Variants in RAD51B observed in about 807,000 individuals in gnomAD.
The protein encoded by RAD51B is DNA repair protein RAD51 homolog 2.
Under a neutral mutation model 42.2 loss-of-function variants are expected in RAD51B, and 38 were observed. The observed-to-expected ratio is 0.90, with a 90% CI of 0.70 to 1.18. The LOEUF is 1.18. Ranked by LOEUF, RAD51B falls within the 50% of genes most tolerant of loss-of-function variation. The pLI is 0.00. For synonymous variants in RAD51B, 154 were observed against 145.2 expected (o/e 1.06, Z -0.43); for missense variants, 373 against 400.7 (o/e 0.93, Z 0.59).
At chr14:67,973,487 ATTATATATTCCTATTCCT>A (rs768126604) in intron 7 of RAD51B, among the ~76,000 whole-genome samples, 114 of 152,168 alleles carry the variant, frequency 7.5e-4, no homozygotes, top group Non-Finnish European at 1.2e-3. Context: ...AAACATTTGC[ATTATATATTCCTATTCCT>A]TTGTACTTCC....
At chr14:68,411,356 T>C in intron 8 of RAD51B, 68 bp from the exon 9 acceptor site, 1 of 1,333,770 alleles carries the variant, frequency 7.5e-7, no homozygotes, top group Non-Finnish European at 1.1e-6. Context: ...GAGTAATGTC[T>C]GGACTTCATG....
At chr14:68,296,625 T>C (rs751556954) in intron 8 of RAD51B, among the ~76,000 whole-genome samples, 7 of 152,144 alleles carry the variant, frequency 4.6e-5, no homozygotes, top group Admixed American at 6.5e-5. Flanking sequence ...CACCTACAGT[T>C]GGTAGGTGAG....
At chr14:67,945,839 A>G (rs2045372850) in intron 7 of RAD51B, among the ~76,000 whole-genome samples, 3 of 152,334 alleles carry the variant, frequency 2.0e-5, no homozygotes, top group Admixed American at 1.3e-4. Context: ...CTAAAATTAT[A>G]TAAAATTTTA....
intron 10 of RAD51B, among the ~76,000 whole-genome samples, chr14:68,646,648 C>A (rs1302017274): frequency 6.6e-6 from 1 of 152,162 alleles, no homozygotes; most frequent in Non-Finnish European, 1.5e-5. Flanking sequence ...ACTTAGATTA[C>A]ATATATCTAT....
At chr14:68,445,331 A>G (rs1008628597) in intron 9 of RAD51B, among the ~76,000 whole-genome samples, 6 of 152,212 alleles carry the variant, frequency 3.9e-5, no homozygotes, top group Non-Finnish European at 8.8e-5. Context: ...GATTCTGTAT[A>G]AGATTACTAA....
intron 7 of RAD51B, among the ~76,000 whole-genome samples, chr14:68,131,635 G>A (rs2077894935): frequency 6.6e-6 from 1 of 152,202 alleles, no homozygotes; most frequent in Non-Finnish European, 1.5e-5. Flanking sequence ...GGCGGAGGTT[G>A]CAGTGAGCCG....
chr14:68,173,251 A>G (rs1259454116), intron 7 of RAD51B, among the ~76,000 whole-genome samples: 1 of 152,214 alleles, frequency 6.6e-6, no homozygotes, highest in Non-Finnish European at 1.5e-5. Context: ...AGGGCTGGCT[A>G]GAGCCATTTG....
At chr14:67,863,719 C>T (rs893579959) in intron 4 of RAD51B, among the ~76,000 whole-genome samples, 10 of 151,968 alleles carry the variant, frequency 6.6e-5, no homozygotes, top group African/African-American at 9.7e-5. Flanking sequence ...AAAATTTGGG[C>T]GCCACAACTA....
At chr14:68,419,095 A>T (rs7154175) in intron 9 of RAD51B, among the ~76,000 whole-genome samples, 1 of 152,078 alleles carries the variant, frequency 6.6e-6, no homozygotes. Flanking sequence ...TAGGATCTGC[A>T]GTTTTTAGCA....
chr14:68,616,079 C>T (rs1445553919), downstream of RAD51B, among the ~76,000 whole-genome samples: 1 of 152,062 alleles, frequency 6.6e-6, no homozygotes, highest in East Asian at 1.9e-4. Context: ...ATGCTCTTGT[C>T]CTTTGTGCTA....
intron 7 of RAD51B, among the ~76,000 whole-genome samples, chr14:68,175,668 G>A (rs973581265): frequency 4.6e-5 from 7 of 152,132 alleles, no homozygotes; most frequent in Non-Finnish European, 1.0e-4. Context: ...TATGGTGTCC[G>A]TTTAACTTAC....
At position 68,682,743 on chromosome 14, in the gene RAD51B, G is replaced by C. The variant is rs1893458977; in HGVS notation, c.*11+31887G>C. Among the ~76,000 whole-genome samples, 3 of 151,066 alleles carry C rather than the reference G, an allele frequency of 2.0e-5. No individual in the cohort carries two copies. In the South Asian group the frequency reaches 6.4e-4, roughly 32 times the overall value. On this transcript the variant is annotated intron_variant, in intron 11 of 11. Transcript: ENST00000488612. ...CATATGTTAGGAAGAAAGCAGGGAC[G>C]TGGGGGTGGAAGAAGATTCGCATGT...
intron 7 of RAD51B, among the ~76,000 whole-genome samples, chr14:68,095,752 G>T (rs1310677998): frequency 6.6e-6 from 1 of 151,954 alleles, no homozygotes; most frequent in Non-Finnish European, 1.5e-5. Context: ...GAGGTGGGCG[G>T]ATCACGAGGT....
chr14:68,187,402 G>A (rs1385658731), intron 7 of RAD51B, among the ~76,000 whole-genome samples: 4 of 152,172 alleles, frequency 2.6e-5, no homozygotes, highest in Non-Finnish European at 5.9e-5. Flanking sequence ...CCTTTGGGAT[G>A]TTATGCTGAC....
rs12590981 is a variant in RAD51B, at chr14:68,680,678, T to C, written c.*11+29822T>C. ...TCCAGTTAGTCCTGATCCACGCAAA[T>C]CAAGAGAACATTAGTCAATGCCCAG... is the stretch of plus-strand genomic sequence containing the variant. On this transcript the variant is annotated intron_variant, in intron 11 of 11. Coordinates refer to the RAD51B transcript ENST00000488612. Among the ~76,000 whole-genome samples, 201 of 152,100 alleles carry C rather than the reference T, an allele frequency of 1.3e-3. 2 individuals carry two copies. The East Asian group carries it at 0.028, about 21-fold the overall frequency.
In RAD51B at chr14:68,456,995, C is replaced by T. The variant is rs139211703; in HGVS notation, c.958-11177C>T. Among the ~76,000 whole-genome samples, 835 of 142,236 alleles carry T rather than the reference C, an allele frequency of 5.9e-3. 24 individuals are homozygous for T. Among genetic ancestry groups the T allele is most frequent in the Admixed American group, 0.051 (681 of 13,460 alleles). The allele number at this position is 142,236 out of a possible 152,430, so 93.3% of individuals were successfully genotyped here. ...TAGCACGATCTTGGCTCACTGCAAC[C>T]TCTGCCTCCCAGGTTCAAGCAATTC... On this transcript the variant is annotated intron_variant, in intron 9 of 10. Transcript: ENST00000471583.
chr14:68,469,597 C>G (rs2086071120), intron 10 of RAD51B, among the ~76,000 whole-genome samples: 1 of 152,306 alleles, frequency 6.6e-6, no homozygotes, highest in Non-Finnish European at 1.5e-5. Context: ...GCAAAGCAAA[C>G]AGCAGGCCTC....
chr14:68,159,511 T>G (rs2078590692), intron 7 of RAD51B, among the ~76,000 whole-genome samples: 1 of 151,734 alleles, frequency 6.6e-6, no homozygotes, highest in African/African-American at 2.4e-5. Flanking sequence ...TCCCAGCTAC[T>G]CGGGAGGCTG....
chr14:68,013,112 G>A (rs574452475), intron 7 of RAD51B, among the ~76,000 whole-genome samples: 1 of 152,160 alleles, frequency 6.6e-6, no homozygotes, highest in East Asian at 1.9e-4. Flanking sequence ...CAAAGGCTAG[G>A]CACTATAATC....
Sources: allele counts gnomAD v4.1 joint callset (sites outside exome capture counted in the v4.1 genomes callset), GRCh38; gene constraint gnomAD v4.1.1; transcripts MANE v1.5; gene names NCBI Gene and HGNC (gene_info 2026-07-23, HGNC 2026-07-21).